BIN1: variants seen among roughly 807,000 people sequenced by gnomAD.
BIN1 encodes bridging integrator 1, also known as myc box-dependent-interacting protein 1.
In BIN1, 53 loss-of-function variants were observed where a neutral mutation model predicts 82.0. The observed-to-expected ratio is 0.65, with a 90% CI of 0.52 to 0.81. The LOEUF is 0.81. Among genes scored for constraint, BIN1 ranks in the 40% least tolerant of loss-of-function variants. The pLI, the probability that BIN1 is intolerant of heterozygous loss-of-function variation, is 0.00. For missense variants in BIN1, 642 were observed against 784.4 expected (o/e 0.82, Z 2.17); for synonymous variants, 302 against 328.0 (o/e 0.92, Z 0.86).
Position 127,053,541 on chromosome 2 carries a change from G to A in BIN1, c.1240-96C>T, listed in dbSNP as rs901667377. On this transcript the variant is annotated intron_variant, in intron 13 of 18. Coordinates refer to ENST00000316724, the MANE Select transcript of BIN1 (RefSeq NM_139343.3). ...AGGGACCCTACCCCCGCTCGCCCCA[G>A]GCCATCCAGCCCAGCAGGCACAGGA... 20 of 1,505,094 alleles carry A rather than the reference G, an allele frequency of 1.3e-5. No homozygotes were observed. The African/African-American group carries it at 2.1e-4, about 16-fold the overall frequency. The allele number at this position is 1,505,094 out of a possible 1,614,324, so 93.2% of individuals were successfully genotyped here.
rs1471867850 is a variant in BIN1, at chr2:127,063,988, C to T, written c.643G>A (p.Val215Met). The change falls in exon 8 of 19, where the codon GTG becomes ATG. Residue 215 changes from valine to methionine, a missense_variant. Physicochemically the swap from Val to Met is conservative, Grantham distance 21 (BLOSUM62 1). Coordinates refer to ENST00000316724, the MANE Select transcript of BIN1 (RefSeq NM_139343.3). Reference sequence around the variant, plus strand: ...AGATCCACATTCATCTCCTCAAACACCTTCTGGGCTTTGATGAGCTCCTCC... The same window carrying T: ...AGATCCACATTCATCTCCTCAAACATCTTCTGGGCTTTGATGAGCTCCTCC... ...AEEELIKAQKVFEEMNVDLQE... is the reference protein window; with the variant it reads ...AEEELIKAQKMFEEMNVDLQE... The T allele has an allele frequency of 1.2e-6, 2 of 1,613,814 alleles. No homozygotes were observed. Among genetic ancestry groups the T allele is most frequent in the Non-Finnish European group, 1.7e-6 (2 of 1,180,014 alleles).
Position 127,097,190 on chromosome 2 carries a change from C to T in BIN1, c.84+9670G>A, listed in dbSNP as rs185985829. 4.0e-4 allele frequency among the ~76,000 whole-genome samples: 61 copies of T among 152,332 alleles called. 1 individual carries two copies. The East Asian group carries it at 9.3e-3, about 23-fold the overall frequency. On this transcript the variant is annotated intron_variant, in intron 1 of 18. Coordinates refer to ENST00000316724, the MANE Select transcript of BIN1 (RefSeq NM_139343.3). ...GGACCCCTATGGCCATCCCAGTCAA[C>T]GGCCTGGCCACACAGGGCCGTGCAT...
In BIN1 at chr2:127,096,607, T is replaced by C. The variant is rs377647492; in HGVS notation, c.84+10253A>G. 8.5e-5 allele frequency among the ~76,000 whole-genome samples: 13 copies of C among 152,216 alleles called. No homozygotes were observed. In the South Asian group the frequency reaches 1.9e-3, roughly 22 times the overall value. On this transcript the variant is annotated intron_variant, in intron 1 of 18. Coordinates refer to ENST00000316724, the MANE Select transcript of BIN1 (RefSeq NM_139343.3). ...TCGGTGTCTCCCCTCCCTTTGCCCATCTGCCTGTGGTCCCAGGGTCCAGCT... is the reference window on the plus strand; with the variant it reads ...TCGGTGTCTCCCCTCCCTTTGCCCACCTGCCTGTGGTCCCAGGGTCCAGCT...
rs1219453179 is a variant in BIN1 at position 127,068,511 on chromosome 2, G to A, written c.520-256C>T. Among the ~76,000 whole-genome samples the A allele has an allele frequency of 1.3e-5, 2 of 152,282 alleles. No individual in the cohort carries two copies. Among genetic ancestry groups the A allele is most frequent in the East Asian group, 1.9e-4 (1 of 5,152 alleles). On this transcript the variant is annotated intron_variant, in intron 6 of 18. Coordinates refer to ENST00000316724, the MANE Select transcript of BIN1 (RefSeq NM_139343.3). The surrounding 1 kb of genome is among the most constrained non-coding windows in gnomAD (Gnocchi z 4.9). ...CCCAGCAAGCACGGCCCTGCCCGGA[G>A]GACGGGGCCACCCCAGCCCCTCACC...
intron 2 of BIN1, among the ~76,000 whole-genome samples, chr2:127,075,856 G>A (rs191666705): frequency 1.1e-5 from 1 of 91,028 alleles, no homozygotes; most frequent in East Asian, 3.7e-4. Context: ...AATGCTCCCA[G>A]TTGTTCCCTG....
chr2:127,053,526 C>T, intron 13 of BIN1, 81 bp from the exon 14 acceptor site: 2 of 1,544,286 alleles, frequency 1.3e-6, no homozygotes, highest in African/African-American at 1.4e-5. Flanking sequence ...AGGGACCCTA[C>T]CCCCGCTCGC....
rs1686948394 is a variant in BIN1 at position 127,078,837 on chromosome 2, T to C, written c.85-2131A>G. ...GCTTGGGTAGGTGACTCAGCCCCTCTGCTCAGGCACCCACCCCACAGCCCC... is the reference window on the plus strand; with the variant it reads ...GCTTGGGTAGGTGACTCAGCCCCTCCGCTCAGGCACCCACCCCACAGCCCC... On this transcript the variant is annotated intron_variant, in intron 1 of 18. Transcript: ENST00000316724. 3.3e-5 allele frequency among the ~76,000 whole-genome samples: 5 copies of C among 151,974 alleles called. No homozygotes were observed. In the South Asian group the frequency reaches 1.0e-3, roughly 32 times the overall value.
At position 127,048,566 on chromosome 2, in the gene BIN1, C is replaced by T. The variant is rs1328592044; in HGVS notation, c.1742G>A (p.Arg581His). The change falls in exon 19 of 19, where the codon CGT (arginine) becomes CAT (histidine). Residue 581 changes from arginine (R) to histidine (H), a missense_variant. Coordinates refer to ENST00000316724, the MANE Select transcript of BIN1 (RefSeq NM_139343.3). ...AGTGAAGTTCTCGGGGAAGACGCCACGGCACTTCTCCAGCTCCTTGTGCTG... is the reference window on the plus strand; with the variant it reads ...AGTGAAGTTCTCGGGGAAGACGCCATGGCACTTCTCCAGCTCCTTGTGCTG... ...WNQHKELEKC[R>H]GVFPENFTER... 3.7e-6 allele frequency: 6 copies of T among 1,613,714 alleles called. No individual in the cohort carries two copies. Among genetic ancestry groups the T allele is most frequent in the Admixed American group, 3.3e-5 (2 of 60,020 alleles).
In BIN1 at chr2:127,067,176, G is replaced by A. The variant is rs897923768; in HGVS notation, c.612+987C>T. ...AATGAAGATGATGAAATCAAGAGGA[G>A]GCTCCGAAAAAATGGGGCAGCTGCC... On this transcript the variant is annotated intron_variant, in intron 7 of 18. Coordinates refer to ENST00000316724, the MANE Select transcript of BIN1 (RefSeq NM_139343.3). This position sits in a 1 kb window ranked among gnomAD's most constrained non-coding sequence, Gnocchi z 4.7. 7.9e-5 allele frequency among the ~76,000 whole-genome samples: 12 copies of A among 152,110 alleles called. No homozygotes were observed. Among genetic ancestry groups the A allele is most frequent in the Non-Finnish European group, 1.8e-4 (12 of 68,020 alleles).
At chr2:127,050,347 C>T (rs904307183) in intron 18 of BIN1, 74 bp downstream of exon 18, 27 of 1,551,084 alleles carry the variant, frequency 1.7e-5, no homozygotes, top group East Asian at 1.6e-4. Context: ...GGCCTGTCTC[C>T]GCCACGGCGG....
chr2:127,073,525 G>A (rs762936942), intron 2 of BIN1, among the ~76,000 whole-genome samples: 1 of 152,108 alleles, frequency 6.6e-6, no homozygotes, highest in Admixed American at 6.5e-5. Flanking sequence ...AGCCCTCGCT[G>A]CACCTCCCTG....
chr2:127,060,311 C>T (rs1373287303), intron 10 of BIN1, among the ~76,000 whole-genome samples: 1 of 152,250 alleles, frequency 6.6e-6, no homozygotes, highest in Non-Finnish European at 1.5e-5. Context: ...TTCCCAGCCA[C>T]GTCCTCCATT....
Position 127,082,785 on chromosome 2 carries a change from G to A in BIN1, c.85-6079C>T, listed in dbSNP as rs772934177. ...GCTCACACCTCCCCATCCCCACTCC[G>A]ACAGTGGAGCCACCTAAGCCTGCTC... On this transcript the variant is annotated intron_variant, in intron 1 of 18. Coordinates refer to ENST00000316724, the MANE Select transcript of BIN1 (RefSeq NM_139343.3). The surrounding 1 kb of genome is among the most constrained non-coding windows in gnomAD (Gnocchi z 6.1). 8.6e-5 allele frequency among the ~76,000 whole-genome samples: 13 copies of A among 151,548 alleles called. No individual in the cohort carries two copies. Among genetic ancestry groups the A allele is most frequent in the Admixed American group, 5.9e-4 (9 of 15,226 alleles).
chr2:127,094,484 G>A (rs1452695164), intron 1 of BIN1, among the ~76,000 whole-genome samples: 1 of 152,176 alleles, frequency 6.6e-6, no homozygotes, highest in Non-Finnish European at 1.5e-5. Flanking sequence ...GGGAGAGCAG[G>A]AGCAGGAACC....
At chr2:127,099,994 G>C (rs79589778) in intron 1 of BIN1, among the ~76,000 whole-genome samples, 1 of 151,758 alleles carries the variant, frequency 6.6e-6, no homozygotes, top group Non-Finnish European at 1.5e-5. Flanking sequence ...GTAGAGACGG[G>C]GTTTCACCAT....
intron 1 of BIN1, among the ~76,000 whole-genome samples, chr2:127,081,626 C>T (rs940141916): frequency 2.0e-5 from 3 of 152,174 alleles, no homozygotes; most frequent in Admixed American, 1.3e-4. Context: ...GCCGCGTTCC[C>T]AGTCACTCTG....
intron 10 of BIN1, chr2:127,060,698 C>G (rs1049162291): frequency 1.9e-6 from 3 of 1,604,250 alleles, no homozygotes; most frequent in Non-Finnish European, 2.6e-6. Flanking sequence ...AGGTGCAGAA[C>G]TGGCCTGTCC....
intron 7 of BIN1, among the ~76,000 whole-genome samples, chr2:127,065,738 C>T (rs1249510554): frequency 6.6e-6 from 1 of 152,234 alleles, no homozygotes; most frequent in African/African-American, 2.4e-5. Flanking sequence ...TCTGTGGGAA[C>T]ATCTGCACCC....
intron 15 of BIN1, 75 bp downstream of exon 15, chr2:127,052,180 C>T: frequency 6.9e-7 from 1 of 1,457,528 alleles, no homozygotes; most frequent in Non-Finnish European, 9.4e-7. Flanking sequence ...GCAACCCCTC[C>T]TCGGGGCTCT....
Sources: allele counts gnomAD v4.1 joint callset (sites outside exome capture counted in the v4.1 genomes callset), GRCh38; gene constraint gnomAD v4.1.1; non-coding constraint Gnocchi (gnomAD v3.1); transcripts MANE v1.5; gene names NCBI Gene and HGNC (gene_info 2026-07-23, HGNC 2026-07-21).